The following CFAP46 variants were observed in gnomAD, a reference collection of about 807,000 sequenced individuals.
CFAP46 encodes the protein cilia- and flagella-associated protein 46.
In CFAP46, 245 loss-of-function variants were observed where a neutral mutation model predicts 325.7. The observed-to-expected ratio is 0.75, with a 90% CI of 0.68 to 0.84. CFAP46 has a LOEUF of 0.84. Among genes scored for constraint, CFAP46 ranks in the 40% least tolerant of loss-of-function variants. The pLI, the probability that CFAP46 is intolerant of heterozygous loss-of-function variation, is 0.00. For missense variants in CFAP46, 3,346 were observed against 3,543.0 expected (o/e 0.94, Z 1.41); for synonymous variants, 1,523 against 1,495.9 (o/e 1.02, Z -0.42).
intron 43 of CFAP46, 105 bp downstream of exon 43, chr10:132,846,817 GCCTGCGGCCT>G: frequency 7.5e-7 from 1 of 1,325,204 alleles, no homozygotes; most frequent in Non-Finnish European, 1.0e-6. Flanking sequence ...AAGGACCCTG[GCCTGCGGCCT>G]GCTTCTCTAA....
At chr10:132,826,353 A>G (rs1392655884) in intron 50 of CFAP46, among the ~76,000 whole-genome samples, 88 of 139,812 alleles carry the variant, frequency 6.3e-4, no homozygotes, top group African/African-American at 2.3e-3. Context: ...GGAGCCACAG[A>G]GACCAGCCAC....
At position 132,878,093 on chromosome 10, in the gene CFAP46, G is replaced by A. The variant is rs1848983300; in HGVS notation, c.4006-6C>T. 1 of 1,550,364 alleles carries A rather than the reference G, an allele frequency of 6.5e-7. No homozygotes were observed. The highest frequency in any genetic ancestry group is 2.0e-5 in the Admixed American group (1 of 50,990). On this transcript the variant is annotated splice_region_variant and splice_polypyrimidine_tract_variant and intron_variant, in intron 29 of 57. Transcript: ENST00000368586. ...CCTGCTGTCATCAAAGAAACCTGGTGGGGATGAAATCCACATTTGCAGCAC... is the reference window on the plus strand; with the variant it reads ...CCTGCTGTCATCAAAGAAACCTGGTAGGGATGAAATCCACATTTGCAGCAC...
rs758862478 is a variant in CFAP46 at position 132,877,849 on chromosome 10, C to G, written c.4212+32G>C. ...ACTGAGGCACAGGCCATCCTGGGCC[C>G]GGCCTCTGCACCGTGGCCACTTGGG... is the stretch of plus-strand genomic sequence containing the variant. On this transcript the variant is annotated intron_variant, in intron 30 of 57. Coordinates refer to ENST00000368586, the MANE Select transcript of CFAP46 (RefSeq NM_001200049.3). This position sits in a 1 kb window ranked among gnomAD's most constrained non-coding sequence, Gnocchi z 5.7. 6.5e-7 allele frequency: 1 copy of G among 1,544,606 alleles called. No individual in the cohort carries two copies. The highest frequency in any genetic ancestry group is 2.4e-5 in the East Asian group (1 of 40,842).
In CFAP46 at chr10:132,847,303, C is replaced by A. The variant is rs541680936; in HGVS notation, c.5971G>T (p.Gly1991Cys). 2 of 1,613,384 alleles carry A rather than the reference C, an allele frequency of 1.2e-6. No homozygotes were observed. The highest frequency in any genetic ancestry group is 1.7e-6 in the Non-Finnish European group (2 of 1,179,920). Reference protein sequence around the residue: ...AGPSVGAKLSGLKSLELEVEE... With the variant: ...AGPSVGAKLSCLKSLELEVEE... ...ACCTCCAGCTCCAGAGACTTGAGGCCGCTCAGCTTGGCGCCCACCTGTGAC... is the reference window on the plus strand; with the variant it reads ...ACCTCCAGCTCCAGAGACTTGAGGCAGCTCAGCTTGGCGCCCACCTGTGAC... Residue 1991 changes from glycine to cysteine, a missense_variant, in exon 42 of 58, where the codon GGC becomes TGC. Physicochemically the swap from Gly to Cys is radical, Grantham distance 159. Coordinates refer to ENST00000368586, the MANE Select transcript of CFAP46 (RefSeq NM_001200049.3). The surrounding 1 kb of genome is among the most constrained non-coding windows in gnomAD (Gnocchi z 5.2).
rs1850125410 is a variant in CFAP46, at chr10:132,942,515, C to T, written c.-31G>A. The T allele has an allele frequency of 4.0e-6, 5 of 1,259,070 alleles. No homozygotes were observed. Among genetic ancestry groups the T allele is most frequent in the Non-Finnish European group, 5.0e-6 (5 of 1,003,070 alleles). The allele number at this position is 1,259,070 out of a possible 1,614,324, so 78.0% of individuals were successfully genotyped here. On this transcript the variant is annotated 5_prime_UTR_variant, in exon 1 of 58. Coordinates refer to ENST00000368586, the MANE Select transcript of CFAP46 (RefSeq NM_001200049.3). ...CGGCGCCCTGCTCGTCCGCTCTCTC[C>T]GGGGTCCGCGGTGCGTCCTGCCGCC...
intron 39 of CFAP46, among the ~76,000 whole-genome samples, chr10:132,851,926 C>A (rs979934967): frequency 6.6e-6 from 1 of 151,428 alleles, no homozygotes; most frequent in Non-Finnish European, 1.5e-5. Flanking sequence ...CTTAGGAATT[C>A]TCAGATCCTG....
intron 50 of CFAP46, among the ~76,000 whole-genome samples, chr10:132,824,143 ATGT>A (rs1847972920): frequency 1.1e-5 from 1 of 90,820 alleles, no homozygotes; most frequent in Non-Finnish European, 2.1e-5. Flanking sequence ...GTGTGTGCTG[ATGT>A]GTGCTGTGTG....
chr10:132,820,418 C>T (rs567242915), intron 50 of CFAP46, among the ~76,000 whole-genome samples: 2 of 152,200 alleles, frequency 1.3e-5, no homozygotes, highest in African/African-American at 2.4e-5. Flanking sequence ...TCCGCTGACC[C>T]GCAGGGCAAA....
In CFAP46 at chr10:132,836,123, C is replaced by T; in HGVS notation, c.6613+19G>A. ...CGCCTGCCCTGCTCCCCCTCCCCCT[C>T]CCCTGCAGCCCTGCTCACCTCCCAC... is the stretch of plus-strand genomic sequence containing the variant. On this transcript the variant is annotated intron_variant, in intron 46 of 57. Transcript: ENST00000368586. 1.3e-6 allele frequency: 2 copies of T among 1,596,050 alleles called. No individual in the cohort carries two copies. The highest frequency in any genetic ancestry group is 1.7e-6 in the Non-Finnish European group (2 of 1,174,798).
In CFAP46 at chr10:132,885,210, C is replaced by G. The variant is rs1257506621; in HGVS notation, c.3520G>C (p.Ala1174Pro). ...CGCGCCAAGTAGTCCTCACTCTCGG[C>G]CTTGAATTTCTGTATTTCCATCGAA... is the stretch of plus-strand genomic sequence containing the variant. ...NFSMEIQKFK[A>P]ESEDYLARMW... Residue 1174 changes from alanine to proline, a missense_variant, in exon 27 of 58, where the codon GCC (alanine) becomes CCC (proline). Physicochemically the swap from Ala to Pro is conservative, Grantham distance 27. Transcript: ENST00000368586. The G allele has an allele frequency of 1.3e-6, 2 of 1,550,456 alleles. No individual in the cohort carries two copies. The highest frequency in any genetic ancestry group is 4.9e-5 in the East Asian group (2 of 40,906).
rs187723677 is a variant in CFAP46, at chr10:132,831,598, C to A, written c.7117+1760G>T. 3.8e-3 allele frequency among the ~76,000 whole-genome samples: 573 copies of A among 152,248 alleles called. 2 individuals carry two copies. Among genetic ancestry groups the A allele is most frequent in the Non-Finnish European group, 3.8e-3 (258 of 68,026 alleles). On this transcript the variant is annotated intron_variant, in intron 50 of 57. Coordinates refer to ENST00000368586, the MANE Select transcript of CFAP46 (RefSeq NM_001200049.3). The stretch of plus-strand genomic sequence containing the variant: ...TACTAAGAGATAAGGTTTTTCCATC[C>A]TTTCTTTTTAACTTACCATTTTCTT...
intron 3 of CFAP46, 152 bp downstream of exon 3, chr10:132,941,439 A>C (rs927697794): frequency 8.4e-6 from 9 of 1,072,048 alleles, no homozygotes; most frequent in African/African-American, 1.6e-5. Context: ...AAGCATGGAC[A>C]GGAAATGGTG....
At chr10:132,873,028 CCA>C (rs1347711570) in intron 31 of CFAP46, among the ~76,000 whole-genome samples, 1 of 152,172 alleles carries the variant, frequency 6.6e-6, no homozygotes, top group Non-Finnish European at 1.5e-5. Flanking sequence ...CTTCCCTCTT[CCA>C]CTCATGGGTT....
At chr10:132,873,207 T>C (rs1043607131) in intron 31 of CFAP46, among the ~76,000 whole-genome samples, 1 of 152,242 alleles carries the variant, frequency 6.6e-6, no homozygotes, top group Non-Finnish European at 1.5e-5. Flanking sequence ...ATTTAATATA[T>C]AGAGAAGAGC....
In CFAP46 at chr10:132,926,569, T is replaced by C. The variant is rs1310248700; in HGVS notation, c.1064A>G (p.Glu355Gly). Residue 355 changes from glutamate (E) to glycine (G), a missense_variant and splice_region_variant, in exon 10 of 58, where the codon GAG (glutamate) becomes GGG (glycine). Glu to Gly is a moderately conservative substitution (Grantham distance 98, BLOSUM62 -2). Coordinates refer to ENST00000368586, the MANE Select transcript of CFAP46 (RefSeq NM_001200049.3). ...TATGACTCCTGCGTAAGGACTGACC[T>C]CAACAGCCGCTCGGTTGTACACTTT... ...KMKVYNRAAV[E>G]AQLDIIQRLD... is the part of the protein sequence containing the mutation. 3.9e-6 allele frequency: 6 copies of C among 1,535,088 alleles called. No individual in the cohort carries two copies. The Admixed American group carries it at 1.2e-4, about 30-fold the overall frequency.
intron 45 of CFAP46, among the ~76,000 whole-genome samples, chr10:132,836,455 T>C (rs977525980): frequency 6.6e-6 from 1 of 152,136 alleles, no homozygotes; most frequent in African/African-American, 2.4e-5. Context: ...GCCAGTGAGT[T>C]CTGTGGTCAC....
chr10:132,915,226 G>C (rs1849618560), intron 17 of CFAP46, among the ~76,000 whole-genome samples: 1 of 152,250 alleles, frequency 6.6e-6, no homozygotes, highest in African/African-American at 2.4e-5. Flanking sequence ...TCCTCTGTCT[G>C]TGAGCAGGCC....
chr10:132,842,157 G>C (rs141398041), intron 44 of CFAP46, among the ~76,000 whole-genome samples: 2 of 152,186 alleles, frequency 1.3e-5, no homozygotes, highest in South Asian at 2.1e-4. Context: ...CCGTGTAGTG[G>C]TTAGAAGTAG....
chr10:132,850,138 G>T, intron 41 of CFAP46, 106 bp downstream of exon 41: 1 of 1,141,132 alleles, frequency 8.8e-7, no homozygotes, highest in Admixed American at 2.3e-5. Flanking sequence ...CTCTCTTCCT[G>T]GGGCCACTGC....
Sources: allele counts gnomAD v4.1 joint callset (sites outside exome capture counted in the v4.1 genomes callset), GRCh38; gene constraint gnomAD v4.1.1; non-coding constraint Gnocchi (gnomAD v3.1); transcripts MANE v1.5; gene names NCBI Gene and HGNC (gene_info 2026-07-23, HGNC 2026-07-21).